The following COL14A1 variants were observed in gnomAD, a reference collection of about 807,000 sequenced individuals.
COL14A1 encodes the protein collagen alpha-1(XIV) chain.
In COL14A1, 136 loss-of-function variants were observed where a neutral mutation model predicts 230.3. The ratio of observed to expected loss-of-function variants is 0.59; its 90% CI spans 0.51 to 0.68. The LOEUF (loss-of-function observed/expected upper bound fraction) is 0.68, where lower values mean the gene tolerates loss of function less well. Among genes scored for constraint, COL14A1 ranks in the 30% least tolerant of loss-of-function variants. The pLI is 0.00. For synonymous variants in COL14A1, 792 were observed against 784.1 expected (o/e 1.01, Z -0.17); for missense variants, 1,976 against 2,215.8 (o/e 0.89, Z 2.17).
At chr8:120,240,194 T>C (rs952735300) in intron 19 of COL14A1, among the ~76,000 whole-genome samples, 8 of 145,658 alleles carry the variant, frequency 5.5e-5, no homozygotes, top group South Asian at 2.2e-4. Context: ...TTTTTTTTTT[T>C]CTCTCTCTCT....
rs200821415 is a variant in COL14A1 at position 120,196,981 on chromosome 8, G to T, written c.592+35G>T. The T allele has an allele frequency of 2.3e-3, 3,645 of 1,603,354 alleles. 14 individuals are homozygous for T. The highest frequency in any genetic ancestry group is 9.2e-3 in the South Asian group (823 of 89,400). On this transcript the variant is annotated intron_variant, in intron 6 of 47. Coordinates refer to ENST00000297848, the MANE Select transcript of COL14A1 (RefSeq NM_021110.4). ...CTATTATTAGCAGTAGCAGTCAGTT[G>T]TCAGTGCAAAACTGCTGGGAAGTAT...
rs147360285 is a variant in COL14A1, at chr8:120,225,130, A to T, written c.1780A>T (p.Thr594Ser). The change falls in exon 15 of 48, where the codon ACA becomes TCA. Residue 594 changes from threonine to serine, a missense_variant. Physicochemically the swap from Thr to Ser is moderately conservative, Grantham distance 58 (BLOSUM62 1). This residue lies in a region of COL14A1 where 1,791 missense variants were observed against 2,019.5 expected (regional missense o/e 0.89). Coordinates refer to ENST00000297848, the MANE Select transcript of COL14A1 (RefSeq NM_021110.4). Reference protein sequence around the residue: ...PITTFPLKGLTPLTEYTIAIF... With the variant: ...PITTFPLKGLSPLTEYTIAIF... ...TACTACCTTCCCTCTGAAGGGCTTGACACCTCTCACAGAGTATACTATTGC... is the reference window on the plus strand; with the variant it reads ...TACTACCTTCCCTCTGAAGGGCTTGTCACCTCTCACAGAGTATACTATTGC... 18 of 1,612,604 alleles carry T rather than the reference A, an allele frequency of 1.1e-5. No individual in the cohort carries two copies. The Admixed American group carries it at 1.5e-4, about 13-fold the overall frequency.
chr8:120,188,752 G>A (rs1241821503), intron 5 of COL14A1, among the ~76,000 whole-genome samples: 1 of 152,168 alleles, frequency 6.6e-6, no homozygotes, highest in African/African-American at 2.4e-5. Context: ...ATACAGGCTT[G>A]CAGACAAAAA....
chr8:120,211,800 G>A (rs751963989), intron 12 of COL14A1, among the ~76,000 whole-genome samples: 29 of 152,206 alleles, frequency 1.9e-4, no homozygotes, highest in Non-Finnish European at 3.7e-4. Flanking sequence ...AAACTATCTC[G>A]TCACTCTACT....
At chr8:120,250,505 C>A in intron 21 of COL14A1, 112 bp from the exon 22 acceptor site, 1 of 1,128,524 alleles carries the variant, frequency 8.9e-7, no homozygotes, top group Non-Finnish European at 1.3e-6. Flanking sequence ...TGTCTGCTTG[C>A]TGTATAATCC....
intron 14 of COL14A1, 89 bp downstream of exon 14, chr8:120,216,579 C>A: frequency 7.7e-7 from 1 of 1,294,500 alleles, no homozygotes; most frequent in Non-Finnish European, 1.1e-6. Context: ...AGCCTAGTGG[C>A]TTAAAATAAT....
chr8:120,264,865 C>T (rs1406167877), intron 24 of COL14A1, among the ~76,000 whole-genome samples: 1 of 152,118 alleles, frequency 6.6e-6, no homozygotes, highest in Non-Finnish European at 1.5e-5. Context: ...CCCCTAGAAA[C>T]ATTTGTGTTT....
At chr8:120,211,108 C>T (rs1817604916) in intron 12 of COL14A1, among the ~76,000 whole-genome samples, 1 of 152,116 alleles carries the variant, frequency 6.6e-6, no homozygotes, top group Admixed American at 6.5e-5. Flanking sequence ...GGTACAGCTC[C>T]TTTGGAGGAT....
At chr8:120,283,562 A>G in intron 31 of COL14A1, 74 bp from the exon 32 acceptor site, 2 of 1,465,390 alleles carry the variant, frequency 1.4e-6, no homozygotes, top group African/African-American at 1.4e-5. Flanking sequence ...ATGAAAATGT[A>G]TTTGCTTTAT....
At chr8:120,240,224 C>A (rs1818572232) in intron 19 of COL14A1, among the ~76,000 whole-genome samples, 1 of 151,510 alleles carries the variant, frequency 6.6e-6, no homozygotes, top group African/African-American at 2.4e-5. Flanking sequence ...TACAGAAGAA[C>A]CTACTGTAGA....
intron 21 of COL14A1, 145 bp downstream of exon 21, chr8:120,247,880 T>G (rs1345235837): frequency 9.9e-7 from 1 of 1,008,316 alleles, no homozygotes; most frequent in African/African-American, 1.6e-5. Flanking sequence ...TTTGGAAAAA[T>G]AAAGTGTTTT....
intron 5 of COL14A1, among the ~76,000 whole-genome samples, chr8:120,178,026 A>G (rs935938095): frequency 5.3e-5 from 8 of 152,174 alleles, no homozygotes; most frequent in Non-Finnish European, 1.2e-4. Context: ...CTCACTGTGC[A>G]TGCAGTTATT....
intron 5 of COL14A1, among the ~76,000 whole-genome samples, chr8:120,170,522 T>C (rs1816063586): frequency 6.6e-6 from 1 of 152,072 alleles, no homozygotes. Context: ...TGTAGGAATA[T>C]TCTTTGAAAT....
At chr8:120,153,453 G>A (rs1387795917) in intron 2 of COL14A1, among the ~76,000 whole-genome samples, 1 of 152,066 alleles carries the variant, frequency 6.6e-6, no homozygotes. Flanking sequence ...CCAAAGTGCT[G>A]GGATTACAGA....
intron 40 of COL14A1, among the ~76,000 whole-genome samples, chr8:120,320,002 C>T (rs1012379415): frequency 3.9e-5 from 6 of 152,144 alleles, no homozygotes; most frequent in African/African-American, 1.4e-4. Flanking sequence ...GTATCTGTGA[C>T]TTCAGGACCT....
intron 25 of COL14A1, 87 bp from the exon 26 acceptor site, chr8:120,269,948 A>G: frequency 7.1e-7 from 1 of 1,410,526 alleles, no homozygotes; most frequent in Non-Finnish European, 9.8e-7. Flanking sequence ...TTCACTTAGC[A>G]GAGGGCAACC....
At chr8:120,264,763 C>T (rs1296395562) in intron 24 of COL14A1, among the ~76,000 whole-genome samples, 1 of 152,144 alleles carries the variant, frequency 6.6e-6, no homozygotes, top group Non-Finnish European at 1.5e-5. Context: ...CAACTAAATG[C>T]TGTCTGTTTA....
intron 2 of COL14A1, among the ~76,000 whole-genome samples, chr8:120,149,160 C>T (rs1264051172): frequency 1.3e-5 from 2 of 152,210 alleles, no homozygotes; most frequent in Non-Finnish European, 2.9e-5. Context: ...TGTTATTTAT[C>T]AGCTGAGCAA....
chr8:120,140,069 A>G (rs1814849529), intron 1 of COL14A1, among the ~76,000 whole-genome samples: 1 of 152,184 alleles, frequency 6.6e-6, no homozygotes, highest in Non-Finnish European at 1.5e-5. Context: ...TTAATGAATT[A>G]AAAAATAAAA....
Sources: gnomAD v4.1 joint callset for allele counts (sites outside exome capture counted in the v4.1 genomes callset) on GRCh38, gnomAD v4.1.1 for gene constraint, gnomAD v4.1.1 regional missense constraint, MANE v1.5 for transcripts, NCBI Gene and HGNC (gene_info 2026-07-23, HGNC 2026-07-21) for gene names.